The following FHIT variants were observed in gnomAD, a reference collection of about 807,000 sequenced individuals.
FHIT encodes fragile histidine triad diadenosine triphosphatase.
FHIT carries 19 observed loss-of-function variants against 17.9 expected under a neutral mutation model. The ratio of observed to expected loss-of-function variants is 1.06; its 90% confidence interval spans 0.74 to 1.56. FHIT has a LOEUF of 1.56. FHIT is among the 40% of genes most tolerant of loss of function. The pLI is 0.00. For missense variants in FHIT, 248 were observed against 189.2 expected, an observed-to-expected ratio of 1.31 and a Z score of -1.82; for synonymous variants, 81 against 69.7, an observed-to-expected ratio of 1.16 and a Z score of -0.81.
intron 8 of FHIT, among the ~76,000 whole-genome samples, chr3:59,830,014 T>C (rs1701111353): frequency 6.6e-6 from 1 of 152,090 alleles, no homozygotes. Flanking sequence ...AGGTTGAGGC[T>C]GTAGTGAGCC....
At chr3:60,471,341 C>A (rs1194488881) in intron 5 of FHIT, among the ~76,000 whole-genome samples, 5 of 152,282 alleles carry the variant, frequency 3.3e-5, no homozygotes, top group African/African-American at 1.2e-4. Context: ...AACTTCAGAG[C>A]ACTTTAGCCT....
At chr3:60,470,383 T>G (rs191978973) in intron 5 of FHIT, among the ~76,000 whole-genome samples, 1 of 152,040 alleles carries the variant, frequency 6.6e-6, no homozygotes, top group Non-Finnish European at 1.5e-5. Context: ...GAAATCTACT[T>G]GGTGCTCTAT....
chr3:60,471,566 T>C (rs1017607697), intron 5 of FHIT, among the ~76,000 whole-genome samples: 63 of 152,302 alleles, frequency 4.1e-4, no homozygotes, highest in African/African-American at 1.4e-3. Flanking sequence ...TCTCCACGTC[T>C]CATGGACTGT....
chr3:59,782,542 T>C (rs1272528299), intron 8 of FHIT, among the ~76,000 whole-genome samples: 1 of 152,072 alleles, frequency 6.6e-6, no homozygotes, highest in African/African-American at 2.4e-5. Flanking sequence ...CCCCGCTCTC[T>C]CAGTATCTCA....
At chr3:61,057,135 T>C (rs2034252833) in intron 2 of FHIT, among the ~76,000 whole-genome samples, 1 of 152,230 alleles carries the variant, frequency 6.6e-6, no homozygotes, top group African/African-American at 2.4e-5. Context: ...TTTCCAGAGA[T>C]GATTCTGTTT....
At chr3:60,139,451 G>A (rs760756011) in intron 5 of FHIT, among the ~76,000 whole-genome samples, 6 of 152,192 alleles carry the variant, frequency 3.9e-5, no homozygotes, top group Admixed American at 6.5e-5. Flanking sequence ...TAGCTGGAGA[G>A]GCAAGAAAAG....
chr3:61,111,946 G>C (rs993915187), intron 2 of FHIT, among the ~76,000 whole-genome samples: 4 of 152,184 alleles, frequency 2.6e-5, no homozygotes, highest in Non-Finnish European at 4.4e-5. Context: ...CTCAGTACTT[G>C]CCAGCCTCTA....
chr3:60,032,574 T>C lies in FHIT; in HGVS notation c.104-18422A>G, dbSNP rs540421785. The stretch of plus-strand genomic sequence containing the variant: ...AGAACTCCTGCTTTGGATGAAAGTG[T>C]GACGGGAAACTTTATAATGGAGAAC... On this transcript the variant is annotated intron_variant, in intron 5 of 9. Coordinates refer to ENST00000492590, the MANE Select transcript of FHIT (RefSeq NM_002012.4). Among the ~76,000 whole-genome samples, 106 of 152,128 alleles carry C rather than the reference T, an allele frequency of 7.0e-4. 1 individual carries two copies. The highest frequency in any genetic ancestry group is 1.3e-3 in the Non-Finnish European group (90 of 68,020).
chr3:60,710,455 G>A lies in FHIT; in HGVS notation c.-18+111464C>T, dbSNP rs190440760. Reference sequence around the variant, plus strand: ...GGGTGCAGTGCACCGTGCACCAGCTGAAGCAGGGCAAGGCATTGCCTCACT... The same window carrying A: ...GGGTGCAGTGCACCGTGCACCAGCTAAAGCAGGGCAAGGCATTGCCTCACT... On this transcript the variant is annotated intron_variant, in intron 4 of 9. Coordinates refer to ENST00000492590, the MANE Select transcript of FHIT (RefSeq NM_002012.4). Among the ~76,000 whole-genome samples, 10 of 152,346 alleles carry A rather than the reference G, an allele frequency of 6.6e-5. No homozygotes were observed. In the East Asian group the frequency reaches 1.9e-3, roughly 30 times the overall value.
At chr3:60,909,586 A>C (rs912660770) in intron 3 of FHIT, among the ~76,000 whole-genome samples, 21 of 152,176 alleles carry the variant, frequency 1.4e-4, no homozygotes, top group African/African-American at 5.1e-4. Context: ...TTATCATCCC[A>C]TTCCAGAGAG....
chr3:60,197,299 G>C (rs1702691385), intron 5 of FHIT, among the ~76,000 whole-genome samples: 1 of 151,472 alleles, frequency 6.6e-6, no homozygotes, highest in Non-Finnish European at 1.5e-5. Context: ...AGATTTCATA[G>C]CATTAAAAAA....
intron 5 of FHIT, among the ~76,000 whole-genome samples, chr3:60,105,429 C>A (rs1048410684): frequency 6.6e-6 from 1 of 152,116 alleles, no homozygotes; most frequent in African/African-American, 2.4e-5. Flanking sequence ...CAGAGAAACA[C>A]TTTTATTTCT....
At chr3:60,149,448 C>A (rs994493011) in intron 5 of FHIT, among the ~76,000 whole-genome samples, 3 of 151,162 alleles carry the variant, frequency 2.0e-5, no homozygotes, top group Non-Finnish European at 4.4e-5. Context: ...TTGTCTTTGT[C>A]CTTTGTAAGC....
At chr3:60,613,872 T>C (rs1576972723) in intron 4 of FHIT, among the ~76,000 whole-genome samples, 1 of 151,698 alleles carries the variant, frequency 6.6e-6, no homozygotes, top group South Asian at 2.1e-4. Context: ...ACAGCAGAGG[T>C]AAGGGCTCAG....
intron 5 of FHIT, among the ~76,000 whole-genome samples, chr3:60,068,497 T>C (rs1403749305): frequency 6.6e-6 from 1 of 152,166 alleles, no homozygotes; most frequent in Non-Finnish European, 1.5e-5. Flanking sequence ...TTGTGCACTG[T>C]GCAAGTTCAG....
At chr3:60,346,592 C>T (rs988171867) in intron 5 of FHIT, among the ~76,000 whole-genome samples, 6 of 152,144 alleles carry the variant, frequency 3.9e-5, no homozygotes, top group Admixed American at 3.9e-4. Flanking sequence ...AGTTTGTTTT[C>T]TTTTTTCCTT....
intron 3 of FHIT, among the ~76,000 whole-genome samples, chr3:61,018,761 G>GT (rs1262533260): frequency 1.3e-5 from 2 of 152,016 alleles, no homozygotes; most frequent in Non-Finnish European, 2.9e-5. Flanking sequence ...ATCACTGTCT[G>GT]TTTTTTTAAT....
chr3:60,195,973 T>C (rs1464283622), intron 5 of FHIT, among the ~76,000 whole-genome samples: 11 of 152,122 alleles, frequency 7.2e-5, no homozygotes, highest in Non-Finnish European at 1.2e-4. Flanking sequence ...CAGGCTTGAC[T>C]GCTATACAAT....
chr3:60,911,101 C>T (rs540324957), intron 3 of FHIT, among the ~76,000 whole-genome samples: 94 of 152,094 alleles, frequency 6.2e-4, no homozygotes, highest in East Asian at 9.7e-4. Flanking sequence ...TGTTTTTGTC[C>T]GCATTTCAGT....
Sources: gnomAD v4.1 joint callset for allele counts (sites outside exome capture counted in the v4.1 genomes callset) on GRCh38, gnomAD v4.1.1 for gene constraint, MANE v1.5 for transcripts, NCBI Gene and HGNC (gene_info 2026-07-23, HGNC 2026-07-21) for gene names.